The following OSBPL10 variants were observed in gnomAD, a reference collection of about 807,000 sequenced individuals.
OSBPL10 encodes oxysterol-binding protein-related protein 10.
Under a neutral mutation model 81.7 loss-of-function variants are expected in OSBPL10, and 49 were observed. That is an observed-to-expected ratio of 0.60 (90% CI 0.48 to 0.76). The LOEUF (loss-of-function observed/expected upper bound fraction) is 0.76. Ranked by LOEUF, OSBPL10 falls within the 30% of genes least tolerant of loss-of-function variation. The pLI is 0.00. For missense variants in OSBPL10, 923 were observed against 987.8 expected (o/e 0.93, Z 0.88); for synonymous variants, 419 against 383.6 (o/e 1.09, Z -1.08).
At chr3:31,790,238 T>C (rs77030506) in intron 4 of OSBPL10, among the ~76,000 whole-genome samples, 2,852 of 152,292 alleles carry the variant, frequency 0.019, 80 homozygotes, top group African/African-American at 0.064. Flanking sequence ...CAAAAATGTT[T>C]AAATATGGTA....
chr3:31,829,927 C>T (rs1361191539), intron 4 of OSBPL10, 113 bp downstream of exon 4: 1 of 1,089,050 alleles, frequency 9.2e-7, no homozygotes, highest in Admixed American at 3.1e-5. Flanking sequence ...AGGTTTGCTG[C>T]TGGTCCTCTC....
At chr3:31,761,536 G>A (rs989188092) in intron 4 of OSBPL10, among the ~76,000 whole-genome samples, 3 of 151,126 alleles carry the variant, frequency 2.0e-5, no homozygotes, top group African/African-American at 7.3e-5. Context: ...GACTAAAGAG[G>A]CCTGGTATGG....
At chr3:31,782,118 G>C (rs1033319073) in intron 4 of OSBPL10, among the ~76,000 whole-genome samples, 1 of 152,076 alleles carries the variant, frequency 6.6e-6, no homozygotes. Context: ...TAGACCAATG[G>C]AACAAAATAG....
chr3:31,862,147 T>C (rs778371520), intron 3 of OSBPL10, among the ~76,000 whole-genome samples: 19 of 151,982 alleles, frequency 1.3e-4, no homozygotes, highest in Non-Finnish European at 2.2e-4. Context: ...ACGTACCTCA[T>C]AAATACATAC....
intron 4 of OSBPL10, among the ~76,000 whole-genome samples, chr3:31,749,873 C>T (rs570587414): frequency 2.0e-5 from 3 of 151,896 alleles, no homozygotes; most frequent in Non-Finnish European, 2.9e-5. Flanking sequence ...TCTTCCCAAA[C>T]CACTTCATTT....
chr3:31,970,143 C>T (rs902764869), intron 1 of OSBPL10, among the ~76,000 whole-genome samples: 97 of 152,330 alleles, frequency 6.4e-4, no homozygotes, highest in African/African-American at 2.3e-3. Flanking sequence ...TAGGCCTCAA[C>T]ATCTTCACCT....
rs1311744059 is a variant in OSBPL10, at chr3:31,857,289, C to T, written c.537+19144G>A. Among the ~76,000 whole-genome samples the T allele has an allele frequency of 3.9e-5, 6 of 152,236 alleles. No homozygotes were observed. In the East Asian group the frequency reaches 5.8e-4, roughly 15 times the overall value. On this transcript the variant is annotated intron_variant, in intron 3 of 11. Coordinates refer to ENST00000396556, the MANE Select transcript of OSBPL10 (RefSeq NM_017784.5). ...AAAGGGGAGAGATGTAGCAGCTCCCCTCAAAGAGCATTAAACTTTAAACAC... is the reference window on the plus strand; with the variant it reads ...AAAGGGGAGAGATGTAGCAGCTCCCTTCAAAGAGCATTAAACTTTAAACAC...
chr3:31,776,533 C>T (rs1698553906), intron 4 of OSBPL10, among the ~76,000 whole-genome samples: 1 of 152,122 alleles, frequency 6.6e-6, no homozygotes. Context: ...TTCACAATAG[C>T]CAAAGGTGGA....
intron 2 of OSBPL10, among the ~76,000 whole-genome samples, chr3:32,002,541 G>A (rs1699161500): frequency 6.6e-6 from 1 of 152,172 alleles, no homozygotes; most frequent in African/African-American, 2.4e-5. Context: ...ATCCATAGCT[G>A]TGGAATACTG....
At chr3:31,971,678 T>C (rs988857621) in intron 1 of OSBPL10, among the ~76,000 whole-genome samples, 18 of 152,190 alleles carry the variant, frequency 1.2e-4, no homozygotes, top group African/African-American at 3.9e-4. Flanking sequence ...CCTCAACTAC[T>C]TGCATAAGAA....
intron 2 of OSBPL10, among the ~76,000 whole-genome samples, chr3:32,008,547 A>C (rs929771860): frequency 8.0e-5 from 12 of 149,810 alleles, no homozygotes; most frequent in African/African-American, 2.5e-4. Flanking sequence ...CCTGGGCAAC[A>C]TGGCCAAACC....
At chr3:31,728,306 G>A (rs1455115672) in intron 6 of OSBPL10, among the ~76,000 whole-genome samples, 2 of 152,304 alleles carry the variant, frequency 1.3e-5, no homozygotes, top group Middle Eastern at 3.4e-3. Context: ...GGGGTTGATA[G>A]GAGTTGACAG....
In OSBPL10 at chr3:31,761,197, G is replaced by C. The variant is rs143581434; in HGVS notation, c.730-13077C>G. 4.1e-3 allele frequency among the ~76,000 whole-genome samples: 627 copies of C among 152,264 alleles called. 5 individuals are homozygous for C. The highest frequency in any genetic ancestry group is 0.014 in the African/African-American group (593 of 41,564). On this transcript the variant is annotated intron_variant, in intron 4 of 11. Transcript: ENST00000396556. ...AAGAAAAGTTAAGAAGTTTCCGCCA[G>C]GCGCGGTGGCTCACACCTGTAATCC...
Position 32,000,931 on chromosome 3 carries a change from A to G in OSBPL10, n.298+45560T>C, listed in dbSNP as rs146019689. Among the ~76,000 whole-genome samples, 153 of 152,286 alleles carry G rather than the reference A, an allele frequency of 1.0e-3. No individual in the cohort carries two copies. The East Asian group carries it at 0.023, about 22-fold the overall frequency. Reference sequence around the variant, plus strand: ...CATTCCTGGAAATCTTTGGAACTGGAATGAAGAAAAGACTGTCCTTAACCT... The same window carrying G: ...CATTCCTGGAAATCTTTGGAACTGGGATGAAGAAAAGACTGTCCTTAACCT... On this transcript the variant is annotated intron_variant and non_coding_transcript_variant, in intron 2 of 3. Coordinates refer to the OSBPL10 transcript ENST00000479173.
At chr3:31,662,535 G>A (rs1025464850) in intron 11 of OSBPL10, 8 of 1,005,848 alleles carry the variant, frequency 8.0e-6, no homozygotes, top group Non-Finnish European at 9.5e-6. Context: ...TCTCCAGCAG[G>A]CAGTAGTCAC....
At chr3:32,054,453 T>G (rs1699691164) in intron 1 of OSBPL10, among the ~76,000 whole-genome samples, 1 of 151,878 alleles carries the variant, frequency 6.6e-6, no homozygotes, top group Non-Finnish European at 1.5e-5. Context: ...TAGTGTATGT[T>G]ATTAATAGTT....
chr3:32,058,272 A>C (rs1267613423), intron 1 of OSBPL10, among the ~76,000 whole-genome samples: 1 of 152,246 alleles, frequency 6.6e-6, no homozygotes, highest in Non-Finnish European at 1.5e-5. Flanking sequence ...AATGTTATCA[A>C]TTATAGAATC....
chr3:31,885,159 T>C (rs2125647456), intron 1 of OSBPL10, among the ~76,000 whole-genome samples: 1 of 152,228 alleles, frequency 6.6e-6, no homozygotes, highest in Middle Eastern at 3.4e-3. Context: ...AATGCACACA[T>C]ATATACCCTC....
intron 4 of OSBPL10, among the ~76,000 whole-genome samples, chr3:31,799,724 C>A (rs191459257): frequency 4.6e-4 from 70 of 152,172 alleles, no homozygotes; most frequent in African/African-American, 1.6e-3. Flanking sequence ...TCGTAAGCAG[C>A]AGTACCAGAA....
Sources: allele counts gnomAD v4.1 joint callset (sites outside exome capture counted in the v4.1 genomes callset), GRCh38; gene constraint gnomAD v4.1.1; transcripts MANE v1.5; gene names NCBI Gene and HGNC (gene_info 2026-07-23, HGNC 2026-07-21).